KCNK2: variants seen among roughly 807,000 people sequenced by gnomAD.
The protein encoded by KCNK2 is potassium two pore domain channel subfamily K member 2.
Under a neutral mutation model 40.5 loss-of-function variants are expected in KCNK2, and 21 were observed. The ratio of observed to expected loss-of-function variants is 0.52; its 90% CI spans 0.37 to 0.75. KCNK2 has a LOEUF of 0.75. KCNK2 is among the 30% of genes least tolerant of loss of function. KCNK2 has a pLI of 0.00. For missense variants in KCNK2, 399 were observed against 531.6 expected, an observed-to-expected ratio of 0.75 and a Z score of 2.45; for synonymous variants, 191 against 202.2, an observed-to-expected ratio of 0.94 and a Z score of 0.47.
chr1:215,196,471 C>A (rs1233537500), intron 6 of KCNK2, among the ~76,000 whole-genome samples: 1 of 152,120 alleles, frequency 6.6e-6, no homozygotes, highest in Non-Finnish European at 1.5e-5. Context: ...TTCAAGGATA[C>A]CATATTTCCT....
At chr1:215,019,087 G>A (rs747138787) in intron 1 of KCNK2, among the ~76,000 whole-genome samples, 59 of 152,172 alleles carry the variant, frequency 3.9e-4, no homozygotes, top group Middle Eastern at 3.4e-3. Flanking sequence ...CATGAGCCCT[G>A]TTGTCCTTAT....
intron 6 of KCNK2, among the ~76,000 whole-genome samples, chr1:215,205,043 T>C (rs1289253773): frequency 6.6e-6 from 1 of 152,194 alleles, no homozygotes; most frequent in African/African-American, 2.4e-5. Flanking sequence ...TACAATCTCT[T>C]ATTTCAAAAC....
Position 215,235,266 on chromosome 1 carries a change from C to A in KCNK2, c.*121C>A. ...GCTCAAAGGGGGAACAAAATAGATA[C>A]ACCCATCATGGTCATCTATCATCAA... On this transcript the variant is annotated 3_prime_UTR_variant, in exon 7 of 7. Transcript: ENST00000444842. The A allele has an allele frequency of 1.3e-6, 1 of 749,380 alleles. No homozygotes were observed. The highest frequency in any genetic ancestry group is 2.1e-6 in the Non-Finnish European group (1 of 467,624). 46.4% of individuals were successfully genotyped at this position (749,380 alleles called of 1,614,324 possible).
At chr1:215,232,957 T>C (rs1666731657) in intron 6 of KCNK2, among the ~76,000 whole-genome samples, 2 of 152,316 alleles carry the variant, frequency 1.3e-5, no homozygotes, top group African/African-American at 4.8e-5. Flanking sequence ...TGCATGAAAT[T>C]TGTAGGAGCC....
chr1:215,083,235 A>ACCCCC lies in KCNK2; in HGVS notation c.-149_-148insCCCCC. ...TCCCGCGTCCAGCCCCGCTCTCCCC[A>ACCCCC]CCTTGTAAAACAAAGCCGGGGAAAA... On this transcript the variant is annotated 5_prime_UTR_variant, in exon 1 of 7. Transcript: ENST00000444842. 1.4e-6 allele frequency: 1 copy of ACCCCC among 698,038 alleles called. No individual in the cohort carries two copies. The highest frequency in any genetic ancestry group is 5.1e-5 in the African/African-American group (1 of 19,602). The allele number at this position is 698,038 out of a possible 1,614,324, so 43.2% of individuals were successfully genotyped here.
intron 1 of KCNK2, among the ~76,000 whole-genome samples, chr1:215,028,465 A>G (rs1037078369): frequency 6.6e-6 from 1 of 152,196 alleles, no homozygotes; most frequent in African/African-American, 2.4e-5. Flanking sequence ...TTTTATTATT[A>G]TATTTTACAA....
At chr1:215,015,929 T>TA (rs1656571246) in intron 1 of KCNK2, among the ~76,000 whole-genome samples, 1 of 152,144 alleles carries the variant, frequency 6.6e-6, no homozygotes, top group South Asian at 2.1e-4. Context: ...CTCCATTAAG[T>TA]AAAAGCCTTG....
chr1:215,131,858 G>A (rs1452669549), intron 3 of KCNK2, among the ~76,000 whole-genome samples: 2 of 152,084 alleles, frequency 1.3e-5, no homozygotes, highest in Admixed American at 1.3e-4. Flanking sequence ...TTTTCTGTTT[G>A]TATTTTTGTT....
chr1:215,012,975 TTG>T (rs1037809391), intron 1 of KCNK2, among the ~76,000 whole-genome samples: 2 of 152,188 alleles, frequency 1.3e-5, no homozygotes, highest in African/African-American at 2.4e-5. Flanking sequence ...AAAATATTTT[TTG>T]TGTTTTCTTT....
intron 5 of KCNK2, among the ~76,000 whole-genome samples, chr1:215,179,913 T>C (rs2102647601): frequency 6.6e-6 from 1 of 152,200 alleles, no homozygotes; most frequent in Admixed American, 6.5e-5. Flanking sequence ...CCAGAACTTC[T>C]TAGTTTTCTG....
intron 1 of KCNK2, among the ~76,000 whole-genome samples, chr1:215,071,208 T>C (rs923843379): frequency 6.6e-5 from 10 of 152,338 alleles, no homozygotes; most frequent in Admixed American, 6.5e-4. Flanking sequence ...TTAGTTCTGG[T>C]GTGATTTTGA....
chr1:215,019,832 G>T (rs371569339), intron 1 of KCNK2, among the ~76,000 whole-genome samples: 2 of 152,058 alleles, frequency 1.3e-5, no homozygotes, highest in South Asian at 4.1e-4. Flanking sequence ...CCTCTCTTAT[G>T]CTTTTCCTCC....
chr1:215,009,657 C>T (rs1035929359), intron 1 of KCNK2, among the ~76,000 whole-genome samples: 3 of 151,908 alleles, frequency 2.0e-5, no homozygotes, highest in African/African-American at 7.3e-5. Context: ...ATATGATTCA[C>T]CTGCTTCTCT....
chr1:215,078,746 T>G (rs1009876297), upstream of KCNK2, among the ~76,000 whole-genome samples: 2 of 152,216 alleles, frequency 1.3e-5, no homozygotes, highest in Non-Finnish European at 2.9e-5. Context: ...ACTTTGATTC[T>G]TACAACAATC....
intron 1 of KCNK2, among the ~76,000 whole-genome samples, chr1:215,065,411 A>G (rs943285958): frequency 2.6e-5 from 4 of 152,206 alleles, no homozygotes; most frequent in African/African-American, 9.6e-5. Context: ...TCAGAAAAAA[A>G]AAAGAAAAGG....
At chr1:215,208,323 G>A (rs769043660) in intron 6 of KCNK2, among the ~76,000 whole-genome samples, 1 of 152,066 alleles carries the variant, frequency 6.6e-6, no homozygotes, top group Non-Finnish European at 1.5e-5. Flanking sequence ...TTATGAACAC[G>A]AAGGAAACAA....
chr1:215,051,539 G>A (rs1004349686), intron 1 of KCNK2, among the ~76,000 whole-genome samples: 3 of 152,154 alleles, frequency 2.0e-5, no homozygotes, highest in Admixed American at 2.0e-4. Flanking sequence ...GCCAGGAGCT[G>A]CTTTTTCTTT....
chr1:215,161,944 T>C (rs1457660916), intron 3 of KCNK2, among the ~76,000 whole-genome samples: 2 of 152,212 alleles, frequency 1.3e-5, no homozygotes, highest in Non-Finnish European at 2.9e-5. Context: ...ATATAACCAC[T>C]AACGGGATTG....
chr1:215,114,828 A>C (rs2102567975), intron 2 of KCNK2, among the ~76,000 whole-genome samples: 1 of 152,324 alleles, frequency 6.6e-6, no homozygotes, highest in East Asian at 1.9e-4. Flanking sequence ...GCAATGAGTC[A>C]ACTCACTCAA....
Sources: gnomAD v4.1 joint callset for allele counts (sites outside exome capture counted in the v4.1 genomes callset) on GRCh38, gnomAD v4.1.1 for gene constraint, MANE v1.5 for transcripts, NCBI Gene and HGNC (gene_info 2026-07-23, HGNC 2026-07-21) for gene names.